FRMD6: variants seen among roughly 807,000 people sequenced by gnomAD.
FRMD6 encodes FERM domain-containing protein 6.
A neutral mutation model predicts 73.2 loss-of-function variants in FRMD6; 37 were observed. The ratio of observed to expected loss-of-function variants is 0.51; its 90% CI spans 0.39 to 0.66. The LOEUF (loss-of-function observed/expected upper bound fraction) is 0.66, where lower values mean the gene tolerates loss of function less well. Among genes scored for constraint, FRMD6 ranks in the 30% least tolerant of loss-of-function variants. The pLI is 0.00. For missense variants in FRMD6, 714 were observed against 780.5 expected, an observed-to-expected ratio of 0.91 and a Z score of 1.02; for synonymous variants, 273 against 282.2, an observed-to-expected ratio of 0.97 and a Z score of 0.33.
chr14:51,722,222 T>G, intron 12 of FRMD6, 142 bp downstream of exon 12: 1 of 777,636 alleles, frequency 1.3e-6, no homozygotes, highest in Non-Finnish European at 2.0e-6. Context: ...AGGTCAGTGT[T>G]GTAAACTGCA....
chr14:51,636,047 G>A (rs932830470), intron 2 of FRMD6, among the ~76,000 whole-genome samples: 13 of 152,216 alleles, frequency 8.5e-5, no homozygotes, highest in African/African-American at 2.4e-4. Context: ...AAAGAAAGAG[G>A]CTGACAAATT....
At chr14:51,687,859 A>C (rs56799730) in intron 1 of FRMD6, among the ~76,000 whole-genome samples, 8,930 of 152,112 alleles carry the variant, frequency 0.059, 321 homozygotes, top group Middle Eastern at 0.082. Flanking sequence ...CCAATTCTCT[A>C]TCTTTAAGAT....
At chr14:51,572,049 C>T (rs1341238658) in intron 2 of FRMD6, among the ~76,000 whole-genome samples, 1 of 152,270 alleles carries the variant, frequency 6.6e-6, no homozygotes, top group African/African-American at 2.4e-5. Context: ...TCCCTGTTCT[C>T]TGCTCTTCTA....
At chr14:51,616,847 C>A (rs993836437) in intron 2 of FRMD6, among the ~76,000 whole-genome samples, 3 of 152,184 alleles carry the variant, frequency 2.0e-5, no homozygotes, top group Admixed American at 6.5e-5. Context: ...GCAAAGGAAC[C>A]AGATATTCCA....
At chr14:51,718,443 T>C (rs1897352643) in intron 10 of FRMD6, among the ~76,000 whole-genome samples, 2 of 152,258 alleles carry the variant, frequency 1.3e-5, no homozygotes, top group Non-Finnish European at 2.9e-5. Flanking sequence ...TTTAGAACAA[T>C]GGAACTCCAA....
At chr14:51,537,395 C>A (rs761667961) in intron 1 of FRMD6, among the ~76,000 whole-genome samples, 1 of 151,650 alleles carries the variant, frequency 6.6e-6, no homozygotes, top group African/African-American at 2.4e-5. Context: ...TTTTATTTAT[C>A]CATTCACGTA....
chr14:51,430,815 A>T, the FRMD6 span, among the ~76,000 whole-genome samples: 6 of 152,188 alleles, frequency 3.9e-5, no homozygotes, highest in Non-Finnish European at 7.3e-5. Flanking sequence ...TTTTATTCCC[A>T]GTTGCATGAG....
At chr14:51,495,866 G>A (rs1250073470) in intron 1 of FRMD6, among the ~76,000 whole-genome samples, 1 of 152,166 alleles carries the variant, frequency 6.6e-6, no homozygotes, top group Non-Finnish European at 1.5e-5. Flanking sequence ...ATCCCTTGGG[G>A]TTCTTGAAAT....
intron 1 of FRMD6, among the ~76,000 whole-genome samples, chr14:51,667,030 A>G (rs1439647886): frequency 1.3e-5 from 2 of 152,016 alleles, no homozygotes; most frequent in Non-Finnish European, 2.9e-5. Context: ...AGCACTCTGG[A>G]GATTGAGGCG....
intron 2 of FRMD6, among the ~76,000 whole-genome samples, chr14:51,641,982 T>C (rs1891833141): frequency 6.6e-6 from 1 of 152,176 alleles, no homozygotes; most frequent in South Asian, 2.1e-4. Context: ...GAAGGTTCCC[T>C]TGTCTCACGA....
chr14:51,543,231 A>G (rs1156658589), intron 1 of FRMD6, among the ~76,000 whole-genome samples: 1 of 151,990 alleles, frequency 6.6e-6, no homozygotes, highest in African/African-American at 2.4e-5. Context: ...TGAGGATAGT[A>G]TATTTCTGAT....
chr14:51,473,980 T>C, the FRMD6 span, among the ~76,000 whole-genome samples: 1 of 152,190 alleles, frequency 6.6e-6, no homozygotes, highest in Non-Finnish European at 1.5e-5. Context: ...TGAGCACGTA[T>C]CACATTATCT....
intron 1 of FRMD6, among the ~76,000 whole-genome samples, chr14:51,669,643 A>G (rs1331379574): frequency 6.6e-6 from 1 of 152,066 alleles, no homozygotes; most frequent in African/African-American, 2.4e-5. Context: ...CTTATTTGCT[A>G]TTTGTATATC....
At chr14:51,479,609 A>T in the FRMD6 span, among the ~76,000 whole-genome samples, 2 of 152,234 alleles carry the variant, frequency 1.3e-5, no homozygotes, top group African/African-American at 2.4e-5. Flanking sequence ...TCCCAACAGG[A>T]TATGGTATAT....
At chr14:51,685,877 C>G in intron 1 of FRMD6, among the ~76,000 whole-genome samples, 1 of 152,250 alleles carries the variant, frequency 6.6e-6, no homozygotes. Context: ...GTGTGTAACA[C>G]GAGCTGTATA....
At chr14:51,530,646 ATT>A (rs10531677) in intron 1 of FRMD6, among the ~76,000 whole-genome samples, 72,692 of 147,900 alleles carry the variant, frequency 0.49, 18,428 homozygotes, top group African/African-American at 0.63. Context: ...ACACCCAGCT[ATT>A]TTTTTTTTTT....
intron 2 of FRMD6, among the ~76,000 whole-genome samples, chr14:51,642,025 T>G (rs981342674): frequency 6.6e-6 from 1 of 152,208 alleles, no homozygotes; most frequent in Non-Finnish European, 1.5e-5. Context: ...CAAAATTTAT[T>G]AATAAGGCCA....
chr14:51,677,494 C>A (rs148839180), intron 1 of FRMD6, among the ~76,000 whole-genome samples: 1 of 152,188 alleles, frequency 6.6e-6, no homozygotes, highest in African/African-American at 2.4e-5. Flanking sequence ...TCCCTGAGAA[C>A]AGCACTTTTT....
chr14:51,705,297 G>C (rs1212115050), intron 6 of FRMD6, among the ~76,000 whole-genome samples: 1 of 151,914 alleles, frequency 6.6e-6, no homozygotes, highest in Non-Finnish European at 1.5e-5. Context: ...ATTATTCCTC[G>C]CTTTCCTTTG....
Sources: allele counts gnomAD v4.1 joint callset (sites outside exome capture counted in the v4.1 genomes callset), GRCh38; gene constraint gnomAD v4.1.1; transcripts MANE v1.5; gene names NCBI Gene and HGNC (gene_info 2026-07-23, HGNC 2026-07-21).